Variants in PARM1 observed in about 807,000 individuals in gnomAD.
PARM1 encodes the protein WSC4, cell wall integrity and stress response component 4 homolog.
PARM1 carries 14 observed loss-of-function variants against 24.6 expected under a neutral mutation model. The observed-to-expected ratio is 0.57, with a 90% confidence interval of 0.38 to 0.89. PARM1 has a LOEUF of 0.89. PARM1 is among the 40% of genes least tolerant of loss of function. The pLI, the probability that PARM1 is intolerant of heterozygous loss-of-function variation, is 0.00. For synonymous variants in PARM1, 179 were observed against 156.6 expected, an observed-to-expected ratio of 1.14 and a Z score of -1.07; for missense variants, 362 against 380.4, an observed-to-expected ratio of 0.95 and a Z score of 0.40.
Position 74,988,405 on chromosome 4 carries a change from G to A in PARM1, c.44-24020G>A, listed in dbSNP as rs192849405. ...TTTACATAATGGTGGGAGAGATGGC[G>A]CGTATCAGTATACATATTTATGCTG... On this transcript the variant is annotated intron_variant, in intron 1 of 3. Coordinates refer to ENST00000307428, the MANE Select transcript of PARM1 (RefSeq NM_015393.4). Among the ~76,000 whole-genome samples, 540 of 152,312 alleles carry A rather than the reference G, an allele frequency of 3.5e-3. 7 individuals are homozygous for A. Among genetic ancestry groups the A allele is most frequent in the African/African-American group, 0.012 (479 of 41,558 alleles).
At chr4:75,009,236 A>G (rs1722826140) in intron 1 of PARM1, among the ~76,000 whole-genome samples, 1 of 152,262 alleles carries the variant, frequency 6.6e-6, no homozygotes, top group South Asian at 2.1e-4. Context: ...TAAATAAAAT[A>G]AAGCCAATTA....
intron 1 of PARM1, among the ~76,000 whole-genome samples, chr4:74,970,950 C>G (rs1337462600): frequency 6.6e-6 from 1 of 152,168 alleles, no homozygotes; most frequent in East Asian, 1.9e-4. Context: ...TTCCTCACTC[C>G]TGGATTTTAG....
chr4:74,982,881 C>G (rs1307257408), intron 1 of PARM1, among the ~76,000 whole-genome samples: 1 of 152,216 alleles, frequency 6.6e-6, no homozygotes, highest in East Asian at 1.9e-4. Context: ...TCAATCAGCT[C>G]ACTATTCAGA....
intron 3 of PARM1, among the ~76,000 whole-genome samples, chr4:75,037,425 G>A (rs1723394173): frequency 6.6e-6 from 1 of 152,184 alleles, no homozygotes; most frequent in African/African-American, 2.4e-5. Flanking sequence ...GGCAAGCTCT[G>A]CTAACAATGG....
At chr4:75,013,345 T>C (rs1347431730) in intron 2 of PARM1, among the ~76,000 whole-genome samples, 195 bp downstream of exon 2, 1 of 152,246 alleles carries the variant, frequency 6.6e-6, no homozygotes, top group African/African-American at 2.4e-5. Flanking sequence ...CTGTGGCCAA[T>C]TGCACCTTTA....
chr4:75,013,609 G>T (rs1722923130), intron 2 of PARM1, among the ~76,000 whole-genome samples: 1 of 152,198 alleles, frequency 6.6e-6, no homozygotes, highest in Admixed American at 6.5e-5. Flanking sequence ...ACAGTTCCTG[G>T]CAGGGAGTAA....
chr4:74,958,489 T>C (rs1028057179), intron 1 of PARM1, among the ~76,000 whole-genome samples: 12 of 152,276 alleles, frequency 7.9e-5, no homozygotes, highest in Admixed American at 2.0e-4. Context: ...AAATAGGAAC[T>C]TGCCAAGCAA....
chr4:75,021,507 T>C (rs563422517), intron 2 of PARM1, among the ~76,000 whole-genome samples: 56 of 152,258 alleles, frequency 3.7e-4, no homozygotes, highest in Non-Finnish European at 7.1e-4. Context: ...GTCTGTTACA[T>C]GGGTAAATTG....
chr4:74,991,799 C>A (rs1242487751), intron 1 of PARM1, among the ~76,000 whole-genome samples: 2 of 152,096 alleles, frequency 1.3e-5, no homozygotes, highest in Non-Finnish European at 2.9e-5. Context: ...TAACTGCAAG[C>A]TGAGAGAATC....
At chr4:75,002,665 C>A (rs567080542) in intron 1 of PARM1, among the ~76,000 whole-genome samples, 1 of 152,228 alleles carries the variant, frequency 6.6e-6, no homozygotes, top group Middle Eastern at 3.4e-3. Context: ...TGCCTGAGTT[C>A]TCTCCCTCCC....
intron 1 of PARM1, among the ~76,000 whole-genome samples, chr4:74,948,050 A>AT (rs1295313873): frequency 2.0e-5 from 3 of 152,154 alleles, no homozygotes; most frequent in African/African-American, 7.2e-5. Flanking sequence ...CCATTTCCTC[A>AT]TTCTAGAATG....
intron 1 of PARM1, among the ~76,000 whole-genome samples, chr4:74,936,456 T>TC (rs372873931): frequency 6.9e-6 from 1 of 144,478 alleles, no homozygotes; most frequent in Admixed American, 6.9e-5. Flanking sequence ...TTTGTTTGTT[T>TC]TTTTGTTTTT....
chr4:75,046,529 A>G lies in PARM1; in HGVS notation c.*282A>G, dbSNP rs1028985515. The stretch of plus-strand genomic sequence containing the variant: ...CACCATGGTGAAGGCTTCTTTCCCC[A>G]CTGCAGGACCCACTTTGAGAAGGAC... On this transcript the variant is annotated 3_prime_UTR_variant, in exon 4 of 4. Transcript: ENST00000307428. 4 of 296,374 alleles carry G rather than the reference A, an allele frequency of 1.3e-5. No homozygotes were observed. The highest frequency in any genetic ancestry group is 8.6e-5 in the African/African-American group (4 of 46,466). The allele number at this position is 296,374 out of a possible 1,614,324, so 18.4% of individuals were successfully genotyped here.
chr4:75,000,172 C>T (rs1206699101), intron 1 of PARM1, among the ~76,000 whole-genome samples: 1 of 152,142 alleles, frequency 6.6e-6, no homozygotes, highest in Admixed American at 6.6e-5. Context: ...TTTAGAAAAT[C>T]ATTAGCAGTT....
At chr4:74,997,333 C>T (rs1434575638) in intron 1 of PARM1, among the ~76,000 whole-genome samples, 1 of 152,168 alleles carries the variant, frequency 6.6e-6, no homozygotes, top group African/African-American at 2.4e-5. Flanking sequence ...AGAAAAAGTT[C>T]TCTCTCTCTG....
intron 1 of PARM1, among the ~76,000 whole-genome samples, chr4:74,972,732 A>G (rs72860938): frequency 0.027 from 4,186 of 152,318 alleles, 85 homozygotes; most frequent in South Asian, 0.077. Flanking sequence ...ACATAAGCTC[A>G]ATCTGAGCCT....
At chr4:75,043,133 T>C (rs766900828) in intron 3 of PARM1, among the ~76,000 whole-genome samples, 1 of 152,154 alleles carries the variant, frequency 6.6e-6, no homozygotes, top group Non-Finnish European at 1.5e-5. Context: ...CATTCCAACA[T>C]ACTAATAAAC....
intron 3 of PARM1, among the ~76,000 whole-genome samples, chr4:75,044,459 T>TA (rs1723559684): frequency 6.6e-6 from 1 of 152,204 alleles, no homozygotes. Flanking sequence ...GTTTCTTTCA[T>TA]AAACACGTAT....
At chr4:74,961,870 A>G (rs1417141087) in intron 1 of PARM1, among the ~76,000 whole-genome samples, 1 of 152,222 alleles carries the variant, frequency 6.6e-6, no homozygotes, top group Non-Finnish European at 1.5e-5. Flanking sequence ...TTGAAGACAT[A>G]TGAATAAATA....
Sources: gnomAD v4.1 joint callset for allele counts (sites outside exome capture counted in the v4.1 genomes callset) on GRCh38, gnomAD v4.1.1 for gene constraint, MANE v1.5 for transcripts, NCBI Gene and HGNC (gene_info 2026-07-23, HGNC 2026-07-21) for gene names.